ADAMTS19: variants seen among roughly 807,000 people sequenced by gnomAD.
The protein encoded by ADAMTS19 is ADAM metallopeptidase with thrombospondin type 1 motif 19.
In ADAMTS19, 93 loss-of-function variants were observed where a neutral mutation model predicts 153.3. The observed-to-expected ratio is 0.61, with a 90% CI of 0.51 to 0.72. The LOEUF is 0.72. Among genes scored for constraint, ADAMTS19 ranks in the 30% least tolerant of loss-of-function variants. The pLI, the probability that ADAMTS19 is intolerant of heterozygous loss-of-function variation, is 0.00. For synonymous variants in ADAMTS19, 600 were observed against 556.6 expected, an observed-to-expected ratio of 1.08 and a Z score of -1.10; for missense variants, 1,482 against 1,552.1, an observed-to-expected ratio of 0.95 and a Z score of 0.76.
chr5:129,686,033 G>A (rs571731048), intron 18 of ADAMTS19, among the ~76,000 whole-genome samples: 19 of 152,160 alleles, frequency 1.2e-4, no homozygotes, highest in Non-Finnish European at 2.5e-4. Flanking sequence ...GAGAAAATGT[G>A]AATCAATCAC....
chr5:129,674,219 G>A (rs1005248645), intron 16 of ADAMTS19, among the ~76,000 whole-genome samples: 5 of 109,482 alleles, frequency 4.6e-5, no homozygotes, highest in Admixed American at 3.0e-4. Context: ...CAACAAGAGC[G>A]AAACTCCATC....
At chr5:129,485,013 A>C (rs1750544731) in intron 2 of ADAMTS19, among the ~76,000 whole-genome samples, 1 of 152,168 alleles carries the variant, frequency 6.6e-6, no homozygotes, top group Non-Finnish European at 1.5e-5. Context: ...ACAGAGCAAT[A>C]CCATCAACCT....
rs749480310 is a variant in ADAMTS19, at chr5:129,684,180, C to T, written c.2725C>T (p.Pro909Ser). Reference protein sequence around the residue: ...LHYEYTIPSDPLPENQSSKAP... With the variant: ...LHYEYTIPSDSLPENQSSKAP... ...CTATGAATACACTATCCCATCAGAC[C>T]CTCTTCCAGAAAACCAGAGCTCTAA... Residue 909 changes from proline to serine, a missense_variant, in exon 18 of 23, where the codon CCT becomes TCT. Pro to Ser is a moderately conservative substitution (Grantham distance 74). Around this residue, in one of 2 missense-constraint regions of ADAMTS19, gnomAD observed 616 missense variants for 724.4 expected, o/e 0.85. Transcript: ENST00000274487. 29 of 1,614,032 alleles carry T rather than the reference C, an allele frequency of 1.8e-5. No individual in the cohort carries two copies. The highest frequency in any genetic ancestry group is 2.4e-5 in the Non-Finnish European group (28 of 1,180,000).
At chr5:129,476,538 G>C (rs1750233803) in intron 2 of ADAMTS19, among the ~76,000 whole-genome samples, 1 of 152,206 alleles carries the variant, frequency 6.6e-6, no homozygotes, top group Admixed American at 6.5e-5. Flanking sequence ...AACATTCAGA[G>C]TTATTCTCTA....
chr5:129,466,752 A>G (rs2126642524), intron 2 of ADAMTS19, among the ~76,000 whole-genome samples: 1 of 152,354 alleles, frequency 6.6e-6, no homozygotes, highest in African/African-American at 2.4e-5. Flanking sequence ...ATGCCGTTAT[A>G]CGCTACCTAT....
chr5:129,601,972 G>A (rs1385501656), intron 8 of ADAMTS19, among the ~76,000 whole-genome samples: 1 of 152,164 alleles, frequency 6.6e-6, no homozygotes, highest in East Asian at 1.9e-4. Flanking sequence ...TACTTTGGAG[G>A]GATATCCCAA....
At position 129,546,386 on chromosome 5, in the gene ADAMTS19, TA is replaced by T. The variant is rs1162170668; in HGVS notation, c.1329-5470del. 1.6e-3 allele frequency among the ~76,000 whole-genome samples: 237 copies of T among 149,058 alleles called. 11 individuals are homozygous for T. Among genetic ancestry groups the T allele is most frequent in the African/African-American group, 5.6e-3 (221 of 39,546 alleles). ...ATGTACCCTAAAACTTAAAGTATAA[TA>T]AAAAAAATTAAAAAAAAGAGAAGAT... On this transcript the variant is annotated intron_variant, in intron 6 of 22. Coordinates refer to ENST00000274487, the MANE Select transcript of ADAMTS19 (RefSeq NM_133638.6).
At chr5:129,710,056 G>C (rs1029407040) in intron 21 of ADAMTS19, among the ~76,000 whole-genome samples, 3 of 151,812 alleles carry the variant, frequency 2.0e-5, no homozygotes, top group African/African-American at 7.2e-5. Flanking sequence ...CTGGTTTGCC[G>C]CACTATCAGC....
At chr5:129,651,966 G>A (rs1188374707) in intron 13 of ADAMTS19, among the ~76,000 whole-genome samples, 1 of 151,954 alleles carries the variant, frequency 6.6e-6, no homozygotes, top group Non-Finnish European at 1.5e-5. Flanking sequence ...ATAATGTCAA[G>A]TTTATTTGAA....
chr5:129,488,150 T>C (rs955302247), intron 2 of ADAMTS19, among the ~76,000 whole-genome samples: 4 of 152,012 alleles, frequency 2.6e-5, no homozygotes, highest in South Asian at 4.1e-4. Flanking sequence ...ATTGAAAATA[T>C]TAATTATTCA....
intron 16 of ADAMTS19, 117 bp from the exon 17 acceptor site, chr5:129,679,647 A>C: frequency 2.2e-6 from 2 of 921,910 alleles, no homozygotes; most frequent in Non-Finnish European, 3.2e-6. Context: ...ACATCAGGGA[A>C]TGTTGATCCA....
Position 129,735,119 on chromosome 5 carries a change from C to CAAA in ADAMTS19, c.3490+18_3490+20dup. On this transcript the variant is annotated intron_variant, in intron 22 of 22. Coordinates refer to ENST00000274487, the MANE Select transcript of ADAMTS19 (RefSeq NM_133638.6). ...ACATCACCCAGACTGGGTAAGCAGA[C>CAAA]AAAAAAAAAAGATGCTTTTGAAAAA... The CAAA allele has an allele frequency of 1.5e-6, 2 of 1,322,076 alleles. No individual in the cohort carries two copies. The highest frequency in any genetic ancestry group is 2.0e-6 in the Non-Finnish European group (2 of 988,954). 81.9% of individuals were successfully genotyped at this position (1,322,076 alleles called of 1,614,324 possible).
At chr5:129,689,222 C>A (rs1448172511) in intron 18 of ADAMTS19, among the ~76,000 whole-genome samples, 1 of 152,082 alleles carries the variant, frequency 6.6e-6, no homozygotes, top group Non-Finnish European at 1.5e-5. Context: ...TCACACCAGT[C>A]CAAGTCTGTC....
intron 8 of ADAMTS19, among the ~76,000 whole-genome samples, chr5:129,617,584 C>T (rs960278881): frequency 2.5e-4 from 38 of 152,086 alleles, no homozygotes; most frequent in Admixed American, 9.2e-4. Context: ...GAGTCAAGCA[C>T]GTTCCACATG....
intron 2 of ADAMTS19, among the ~76,000 whole-genome samples, chr5:129,483,173 A>G (rs1309192623): frequency 6.6e-6 from 1 of 152,190 alleles, no homozygotes; most frequent in African/African-American, 2.4e-5. Context: ...ATAATCCATC[A>G]TATGAGAACA....
intron 7 of ADAMTS19, among the ~76,000 whole-genome samples, chr5:129,570,375 ATAAAATAGATAATC>A (rs1029530015): frequency 6.6e-6 from 1 of 151,902 alleles, no homozygotes; most frequent in Non-Finnish European, 1.5e-5. Context: ...CTTATCCAAA[ATAAAATAGATAATC>A]TGAGCAGTCT....
At chr5:129,594,935 T>A (rs1561591031) in intron 7 of ADAMTS19, among the ~76,000 whole-genome samples, 1 of 152,056 alleles carries the variant, frequency 6.6e-6, no homozygotes, top group Non-Finnish European at 1.5e-5. Flanking sequence ...TATTCATCCA[T>A]CCGTCCACCT....
intron 2 of ADAMTS19, among the ~76,000 whole-genome samples, chr5:129,468,423 G>A (rs553463264): frequency 3.9e-5 from 6 of 152,214 alleles, no homozygotes; most frequent in African/African-American, 1.2e-4. Context: ...GCACGATGTC[G>A]GCTCACTGCA....
intron 22 of ADAMTS19, among the ~76,000 whole-genome samples, chr5:129,735,575 C>T (rs1485296921): frequency 6.6e-6 from 1 of 151,904 alleles, no homozygotes; most frequent in Admixed American, 6.6e-5. Flanking sequence ...GGATCTACAC[C>T]ATTAAACAAG....
Sources: gnomAD v4.1 joint callset for allele counts (sites outside exome capture counted in the v4.1 genomes callset) on GRCh38, gnomAD v4.1.1 for gene constraint, gnomAD v4.1.1 regional missense constraint, MANE v1.5 for transcripts, NCBI Gene and HGNC (gene_info 2026-07-23, HGNC 2026-07-21) for gene names.